OR4K1: variants seen among roughly 807,000 people sequenced by gnomAD.
OR4K1 encodes the protein olfactory receptor family 4 subfamily K member 1.
Under a neutral mutation model 14.4 loss-of-function variants are expected in OR4K1, and 16 were observed. The ratio of observed to expected loss-of-function variants is 1.11; its 90% confidence interval spans 0.75 to 1.68. The LOEUF (loss-of-function observed/expected upper bound fraction) is 1.68, where lower values mean the gene tolerates loss of function less well. OR4K1 is among the 40% of genes most tolerant of loss of function. OR4K1 has a pLI of 0.00. For synonymous variants in OR4K1, 181 were observed against 133.1 expected (o/e 1.36, Z -2.48); for missense variants, 548 against 376.9 (o/e 1.45, Z -3.76).
At chr14:19,929,983 C>T (rs956859478), upstream of OR4K1, among the ~76,000 whole-genome samples, 8 of 152,104 alleles carry the variant, frequency 5.3e-5, no homozygotes, top group South Asian at 2.1e-4. Context: ...TATAAAAGTT[C>T]GAACATAATT....
chr14:19,921,587 T>A, the OR4K1 span: 2 of 1,600,630 alleles, frequency 1.2e-6, no homozygotes, highest in Non-Finnish European at 1.7e-6. Flanking sequence ...AAGACAAAAC[T>A]CCTTCAAATT....
the OR4K1 span, chr14:19,921,284 G>T: frequency 6.2e-7 from 1 of 1,614,100 alleles, no homozygotes; most frequent in South Asian, 1.1e-5. Flanking sequence ...TTACAGTTTG[G>T]CTCAAGTCTT....
At chr14:19,927,599 T>A (rs148113540), upstream of OR4K1, among the ~76,000 whole-genome samples, 8 of 152,230 alleles carry the variant, frequency 5.3e-5, no homozygotes, top group African/African-American at 1.9e-4. Context: ...AAGGTTAGTC[T>A]CATACCACTG....
chr14:19,929,083 C>T (rs1158837206), upstream of OR4K1, among the ~76,000 whole-genome samples: 1 of 151,796 alleles, frequency 6.6e-6, no homozygotes, highest in African/African-American at 2.4e-5. Context: ...ATAAAAAAAT[C>T]TTCACGTGCT....
chr14:19,936,380 T>C lies in OR4K1; in HGVS notation c.714T>C (p.Ser238=). 6.2e-7 allele frequency: 1 copy of C among 1,614,254 alleles called. No homozygotes were observed. Among genetic ancestry groups the C allele is most frequent in the Non-Finnish European group, 8.5e-7 (1 of 1,180,040 alleles). Residue 238 remains serine, a synonymous_variant, in exon 2 of 2, where the codon TCT becomes TCC. Transcript: ENST00000641172. ...CCAGTGGGTCATCTAAGGCTCTTTC[T>C]ACATTAACTGCCCACATCACAGTGG... ...RSSSGSSKAL[S]TLTAHITVVI...
intron 1 of OR4K1, chr14:19,931,387 C>G (rs139473824): frequency 6.6e-6 from 1 of 152,470 alleles, no homozygotes; most frequent in African/African-American, 2.4e-5. Flanking sequence ...ATCTGATAAA[C>G]AGAGGAACAT....
chr14:19,935,931 C>G lies in OR4K1; in HGVS notation c.265C>G (p.Arg89Gly). 1 of 1,614,180 alleles carries G rather than the reference C, an allele frequency of 6.2e-7. No individual in the cohort carries two copies. The highest frequency in any genetic ancestry group is 8.5e-7 in the Non-Finnish European group (1 of 1,180,028). ...PKMLVDFFIE[R>G]KTISFEGCMA... ...GATGCTTGTAGACTTTTTTATTGAGCGCAAGACTATCTCCTTTGAGGGTTG... is the reference window on the plus strand; with the variant it reads ...GATGCTTGTAGACTTTTTTATTGAGGGCAAGACTATCTCCTTTGAGGGTTG... Residue 89 changes from arginine (R) to glycine (G), a missense_variant, in exon 2 of 2, where the codon CGC (arginine) becomes GGC (glycine). Arg to Gly is a moderately radical substitution (Grantham distance 125). Transcript: ENST00000641172.
chr14:19,921,245 C>T, the OR4K1 span: 1 of 1,614,190 alleles, frequency 6.2e-7, no homozygotes, highest in East Asian at 2.2e-5. Flanking sequence ...CTTTCTCTCT[C>T]TTGGTCAGCT....
At chr14:19,922,074 C>CG in the OR4K1 span, among the ~76,000 whole-genome samples, 1 of 129,176 alleles carries the variant, frequency 7.7e-6, no homozygotes, top group Non-Finnish European at 1.8e-5. Flanking sequence ...GAGACTCCCC[C>CG]CCCCAAAAAT....
At position 19,934,205 on chromosome 14, in the gene OR4K1, A is replaced by G. The variant is rs1882251961; in HGVS notation, c.-19-1443A>G. 4.6e-5 allele frequency among the ~76,000 whole-genome samples: 7 copies of G among 152,364 alleles called. No homozygotes were observed. In the South Asian group the frequency reaches 1.2e-3, roughly 27 times the overall value. On this transcript the variant is annotated intron_variant, in intron 1 of 1. Transcript: ENST00000641172. Reference sequence around the variant, plus strand: ...CTGTTGGATACACAGAGCTAAGGTCAAAAATGTTTCCTGAACCACTTCAGG... The same window carrying G: ...CTGTTGGATACACAGAGCTAAGGTCGAAAATGTTTCCTGAACCACTTCAGG...
At chr14:19,920,565 C>T in the OR4K1 span, 2 of 1,538,808 alleles carry the variant, frequency 1.3e-6, no homozygotes, top group Non-Finnish European at 1.7e-6. Context: ...TCTATTTATC[C>T]TCCTTTAGAG....
chr14:19,935,989 T>C lies in OR4K1; in HGVS notation c.323T>C (p.Val108Ala). Residue 108 changes from valine (V) to alanine (A), a missense_variant, in exon 2 of 2, where the codon GTT becomes GCT. Physicochemically the swap from Val to Ala is moderately conservative, Grantham distance 64. Coordinates refer to ENST00000641172, the MANE Select transcript of OR4K1 (RefSeq NM_001004063.3). ...CAGATATTCGTTCTTCACAGTTTTG[T>C]TGGGAGTGAGATGATGTTGCTTGTA... is the stretch of plus-strand genomic sequence containing the variant. ...MAQIFVLHSFVGSEMMLLVAM... is the reference protein window; with the variant it reads ...MAQIFVLHSFAGSEMMLLVAM... 6.2e-7 allele frequency: 1 copy of C among 1,614,252 alleles called. No homozygotes were observed. The highest frequency in any genetic ancestry group is 8.5e-7 in the Non-Finnish European group (1 of 1,180,040).
At chr14:19,932,740 C>T (rs919740593) in intron 1 of OR4K1, among the ~76,000 whole-genome samples, 2 of 152,142 alleles carry the variant, frequency 1.3e-5, no homozygotes, top group Admixed American at 6.6e-5. Flanking sequence ...GCCTGAGTTC[C>T]TTCAATTATA....
the OR4K1 span, among the ~76,000 whole-genome samples, chr14:19,924,676 C>G: frequency 2.0e-5 from 3 of 152,068 alleles, no homozygotes; most frequent in South Asian, 4.1e-4. Flanking sequence ...ACCATTTGAC[C>G]CAGCAAACCC....
intron 1 of OR4K1, among the ~76,000 whole-genome samples, chr14:19,934,194 G>A (rs563593113): frequency 2.3e-4 from 35 of 152,338 alleles, no homozygotes; most frequent in Admixed American, 2.2e-3. Flanking sequence ...TGGATACACA[G>A]AGCTAAGGTC....
chr14:19,934,525 G>C (rs1882258817), intron 1 of OR4K1, among the ~76,000 whole-genome samples: 2 of 152,260 alleles, frequency 1.3e-5, no homozygotes, highest in Non-Finnish European at 2.9e-5. Flanking sequence ...CTATGTGACA[G>C]AAGGTGAACT....
intron 1 of OR4K1, 74 bp from the exon 2 acceptor site, chr14:19,935,574 T>C (rs1264337373): frequency 1.8e-6 from 2 of 1,109,588 alleles, no homozygotes; most frequent in African/African-American, 1.6e-5. Flanking sequence ...GAATTGACTA[T>C]ATTTCTTTTG....
chr14:19,929,664 G>A (rs1882143671), upstream of OR4K1, among the ~76,000 whole-genome samples: 1 of 152,190 alleles, frequency 6.6e-6, no homozygotes, highest in Non-Finnish European at 1.5e-5. Flanking sequence ...GGCATTATCT[G>A]CATATTTGAT....
At chr14:19,934,806 G>C (rs912987023) in intron 1 of OR4K1, among the ~76,000 whole-genome samples, 1 of 152,156 alleles carries the variant, frequency 6.6e-6, no homozygotes, top group Non-Finnish European at 1.5e-5. Context: ...AAGTAGGGGG[G>C]AATACAGGTG....
Sources: allele counts gnomAD v4.1 joint callset (sites outside exome capture counted in the v4.1 genomes callset), GRCh38; gene constraint gnomAD v4.1.1; transcripts MANE v1.5; gene names NCBI Gene and HGNC (gene_info 2026-07-23, HGNC 2026-07-21).